The following PCNT variants were observed in gnomAD, a reference collection of about 807,000 sequenced individuals.
PCNT encodes pericentrin, also known as kendrin.
PCNT carries 319 observed loss-of-function variants against 380.4 expected under a neutral mutation model. The ratio of observed to expected loss-of-function variants is 0.84; its 90% CI spans 0.77 to 0.92. The LOEUF (loss-of-function observed/expected upper bound fraction) is 0.92. Among genes scored for constraint, PCNT ranks in the 40% least tolerant of loss-of-function variants. The pLI is 0.00. For missense variants in PCNT, 4,400 were observed against 4,255.3 expected, an observed-to-expected ratio of 1.03 and a Z score of -0.95; for synonymous variants, 1,845 against 1,735.2, an observed-to-expected ratio of 1.06 and a Z score of -1.57.
chr21:46,363,492 CT>C lies in PCNT; in HGVS notation c.2168del (p.Leu723GlnfsTer9). 3 of 1,611,664 alleles carry C rather than the reference CT, an allele frequency of 1.9e-6. No individual in the cohort carries two copies. The highest frequency in any genetic ancestry group is 2.5e-6 in the Non-Finnish European group (3 of 1,177,976). On this transcript the variant is annotated frameshift_variant, in exon 14 of 47. Transcript: ENST00000359568. LOFTEE classifies it high-confidence loss of function. Reference sequence around the variant, plus strand: ...ATGTTGTCTGTAGGTAAAACACAATCTAATTGAAGACCACCAGAAGGAACTA... The same window carrying C: ...ATGTTGTCTGTAGGTAAAACACAATCAATTGAAGACCACCAGAAGGAACTA... ...KDDLEKVKHN[L>X]IEDHQKELNN...
Position 46,388,300 on chromosome 21 carries a change from C to G in PCNT, c.3465-442C>G, listed in dbSNP as rs1288627360. ...ACACCATCCTCTTCCTGCCACACAA[C>G]TCCTGTGAATGTGTGGCTGAGGCGT... On this transcript the variant is annotated intron_variant, in intron 17 of 46. Coordinates refer to ENST00000359568, the MANE Select transcript of PCNT (RefSeq NM_006031.6). This position sits in a 1 kb window ranked among gnomAD's most constrained non-coding sequence, Gnocchi z 4.2. Among the ~76,000 whole-genome samples, 2 of 152,048 alleles carry G rather than the reference C, an allele frequency of 1.3e-5. No individual in the cohort carries two copies. Among genetic ancestry groups the G allele is most frequent in the Non-Finnish European group, 2.9e-5 (2 of 67,982 alleles).
rs1411490963 is a variant in PCNT, at chr21:46,418,193, T to C, written c.6922-11T>C. 7 of 1,518,670 alleles carry C rather than the reference T, an allele frequency of 4.6e-6. No homozygotes were observed. In the Admixed American group the frequency reaches 6.7e-5, roughly 15 times the overall value. The allele number at this position is 1,518,670 out of a possible 1,614,324, so 94.1% of individuals were successfully genotyped here. A position where few individuals can be genotyped will look rare whatever the true frequency, so the allele number is the denominator to read the frequency against. ...TCATTATTTTATGACCATTTAAAAA[T>C]CTCTTAACAGGAGAAAGATGTCGAA... On this transcript the variant is annotated splice_polypyrimidine_tract_variant and intron_variant, in intron 30 of 46. Transcript: ENST00000359568.
intron 35 of PCNT, among the ~76,000 whole-genome samples, chr21:46,429,400 G>A (rs575506112): frequency 1.1e-3 from 163 of 144,352 alleles, no homozygotes; most frequent in African/African-American, 4.1e-3. Context: ...GCGAGCGCTC[G>A]TGAGGGGCAT....
In PCNT at chr21:46,407,041, CTAAGGCTTTGTATGAAGGT is replaced by C. The variant is rs1343469760; in HGVS notation, c.5116-4145_5116-4127del. Among the ~76,000 whole-genome samples, 4 of 152,252 alleles carry C rather than the reference CTAAGGCTTTGTATGAAGGT, an allele frequency of 2.6e-5. No individual in the cohort carries two copies. In the East Asian group the frequency reaches 7.7e-4, roughly 29 times the overall value. On this transcript the variant is annotated intron_variant, in intron 27 of 46. Coordinates refer to ENST00000359568, the MANE Select transcript of PCNT (RefSeq NM_006031.6). Reference sequence around the variant, plus strand: ...TAATTGTCTTTTCTTGCAGTGTTCCCTAAGGCTTTGTATGAAGGTTATGTTAGTCTCATAAAATAGATTG... The same window carrying C: ...TAATTGTCTTTTCTTGCAGTGTTCCCTATGTTAGTCTCATAAAATAGATTG...
chr21:46,418,652 TC>T (rs763654665), intron 31 of PCNT, among the ~76,000 whole-genome samples: 13 of 152,378 alleles, frequency 8.5e-5, no homozygotes, highest in Non-Finnish European at 1.5e-4. Flanking sequence ...CAGGCTGTGT[TC>T]AGGTGTCTTT....
At position 46,431,637 on chromosome 21, in the gene PCNT, G is replaced by A. The variant is rs376731637; in HGVS notation, c.8173G>A (p.Glu2725Lys). The A allele has an allele frequency of 1.3e-5, 21 of 1,613,762 alleles. No homozygotes were observed. Among genetic ancestry groups the A allele is most frequent in the African/African-American group, 5.3e-5 (4 of 74,936 alleles). Residue 2725 changes from glutamate (E) to lysine (K), a missense_variant, in exon 38 of 47, where the codon GAG becomes AAG. Physicochemically the swap from Glu to Lys is moderately conservative, Grantham distance 56. Coordinates refer to ENST00000359568, the MANE Select transcript of PCNT (RefSeq NM_006031.6). ...CAACCTGCAGAAGGAGCTGCGTATCGAGCACTCACGCTGCGAGGCCTTGCT... is the reference window on the plus strand; with the variant it reads ...CAACCTGCAGAAGGAGCTGCGTATCAAGCACTCACGCTGCGAGGCCTTGCT... ...KDNLQKELRI[E>K]HSRCEALLAQ...
chr21:46,326,606 T>G lies in PCNT; in HGVS notation c.267+17T>G, dbSNP rs754074856. The G allele has an allele frequency of 3.1e-6, 5 of 1,607,996 alleles. No homozygotes were observed. Among genetic ancestry groups the G allele is most frequent in the Admixed American group, 1.7e-5 (1 of 60,010 alleles). ...GCAGCTCAGGTAGATTTGCTCAATGTTGTATTTGAACATTTCGCTTATCTT... is the reference window on the plus strand; with the variant it reads ...GCAGCTCAGGTAGATTTGCTCAATGGTGTATTTGAACATTTCGCTTATCTT... On this transcript the variant is annotated intron_variant, in intron 2 of 46. Transcript: ENST00000359568.
intron 35 of PCNT, among the ~76,000 whole-genome samples, chr21:46,429,477 T>G (rs2087659444): frequency 7.3e-6 from 1 of 137,764 alleles, no homozygotes; most frequent in South Asian, 2.4e-4. Flanking sequence ...CGATCGCTCG[T>G]GAGGGGCATG....
chr21:46,430,643 G>T lies in PCNT; in HGVS notation c.8050G>T (p.Ala2684Ser). ...LRHLQRESQS[A>S]KALEELRASL... ...GCACCTGCAGAGGGAGAGCCAGAGT[G>T]CCAAGGCCCTGGAGGTAACAGGGTG... is the stretch of plus-strand genomic sequence containing the variant. Residue 2684 changes from alanine to serine, a missense_variant, in exon 37 of 47, where the codon GCC (alanine) becomes TCC (serine). Transcript: ENST00000359568. 1 of 1,570,916 alleles carries T rather than the reference G, an allele frequency of 6.4e-7. No homozygotes were observed. The highest frequency in any genetic ancestry group is 1.9e-5 in the Admixed American group (1 of 53,926).
At chr21:46,347,039 G>A (rs767299638) in intron 5 of PCNT, 41 bp downstream of exon 5, 61 of 1,573,618 alleles carry the variant, frequency 3.9e-5, no homozygotes, top group Non-Finnish European at 4.5e-5. Context: ...GTGTGGGCTC[G>A]GTGTGGGCAT....
intron 3 of PCNT, among the ~76,000 whole-genome samples, chr21:46,338,223 T>G (rs920823471): frequency 2.0e-5 from 3 of 152,112 alleles, no homozygotes; most frequent in Non-Finnish European, 2.9e-5. Context: ...TGCACAATTG[T>G]GTAGAGTCAT....
chr21:46,340,250 C>G (rs2083875461), intron 3 of PCNT, among the ~76,000 whole-genome samples: 1 of 152,186 alleles, frequency 6.6e-6, no homozygotes, highest in African/African-American at 2.4e-5. Context: ...GACCCGCCCC[C>G]ATGATTCAGT....
At chr21:46,414,359 C>G (rs764132689) in intron 29 of PCNT, among the ~76,000 whole-genome samples, 4 of 152,026 alleles carry the variant, frequency 2.6e-5, no homozygotes, top group Non-Finnish European at 5.9e-5. Flanking sequence ...GCGCAGCCTC[C>G]CTGGACACAC....
At chr21:46,344,422 C>T (rs922841855) in intron 3 of PCNT, among the ~76,000 whole-genome samples, 2 of 152,200 alleles carry the variant, frequency 1.3e-5, no homozygotes, top group Non-Finnish European at 2.9e-5. Flanking sequence ...TGTGGCCGCC[C>T]ACCCTGGGGA....
chr21:46,400,874 C>T (rs1471720605), intron 25 of PCNT, among the ~76,000 whole-genome samples: 1 of 152,164 alleles, frequency 6.6e-6, no homozygotes, highest in African/African-American at 2.4e-5. Context: ...GGGGCCTTTC[C>T]TCAGGCCCTG....
Position 46,366,670 on chromosome 21 carries a change from G to A in PCNT, c.2696G>A (p.Arg899His), listed in dbSNP as rs549172396. The A allele has an allele frequency of 2.1e-5, 34 of 1,613,850 alleles. No individual in the cohort carries two copies. Among genetic ancestry groups the A allele is most frequent in the African/African-American group, 1.6e-4 (12 of 75,040 alleles). ...CAGGAGGCCCAGGAGCAGCATGCCC[G>A]TGAGCTGCAGCTCCTCCAGGAGAGA... ...FLQEAQEQHA[R>H]ELQLLQERHQ... The change falls in exon 15 of 47, where the codon CGT (arginine) becomes CAT (histidine). Residue 899 changes from arginine to histidine, a missense_variant. Physicochemically the swap from Arg to His is conservative, Grantham distance 29. Transcript: ENST00000359568.
intron 14 of PCNT, among the ~76,000 whole-genome samples, chr21:46,365,077 C>A (rs768557566): frequency 3.7e-4 from 57 of 152,246 alleles, no homozygotes; most frequent in Admixed American, 2.7e-3. Context: ...GCCCTGAGTG[C>A]CGCCTGCACC....
chr21:46,356,521 C>T lies in PCNT; in HGVS notation c.1937-453C>T, dbSNP rs376759870. 2.0e-5 allele frequency among the ~76,000 whole-genome samples: 3 copies of T among 152,344 alleles called. No individual in the cohort carries two copies. The South Asian group carries it at 6.2e-4, about 32-fold the overall frequency. On this transcript the variant is annotated intron_variant, in intron 12 of 46. Transcript: ENST00000359568. ...GGCCAGTGGGGGTAGCGTGCCTGGG[C>T]ACAGAACAGCAGGGGGAGGTGCTGG...
intron 27 of PCNT, among the ~76,000 whole-genome samples, chr21:46,410,760 G>T (rs79059360): frequency 5.9e-5 from 9 of 152,322 alleles, no homozygotes; most frequent in African/African-American, 9.6e-5. Context: ...GAGCGTGCCC[G>T]GCTCACCGCT....
Sources: allele counts gnomAD v4.1 joint callset (sites outside exome capture counted in the v4.1 genomes callset), GRCh38; gene constraint gnomAD v4.1.1; non-coding constraint Gnocchi (gnomAD v3.1); transcripts MANE v1.5; gene names NCBI Gene and HGNC (gene_info 2026-07-23, HGNC 2026-07-21).